APBB1IP: variants seen among roughly 807,000 people sequenced by gnomAD.
APBB1IP encodes the protein amyloid beta A4 precursor protein-binding family B member 1-interacting protein.
Under a neutral mutation model 64.9 loss-of-function variants are expected in APBB1IP, and 27 were observed. The ratio of observed to expected loss-of-function variants is 0.42; its 90% CI spans 0.31 to 0.57. The LOEUF (loss-of-function observed/expected upper bound fraction) is 0.57. Ranked by LOEUF, APBB1IP falls within the 20% of genes least tolerant of loss-of-function variation. The pLI, the probability that APBB1IP is intolerant of heterozygous loss-of-function variation, is 0.20. For missense variants in APBB1IP, 812 were observed against 845.5 expected (o/e 0.96, Z 0.49); for synonymous variants, 392 against 331.0 (o/e 1.18, Z -2.00).
intron 2 of APBB1IP, among the ~76,000 whole-genome samples, chr10:26,441,338 A>G (rs989879234): frequency 6.6e-6 from 1 of 152,198 alleles, no homozygotes; most frequent in Non-Finnish European, 1.5e-5. Flanking sequence ...AAACTGCTAG[A>G]TATCTGGAAC....
chr10:26,522,777 A>G (rs1836418822), intron 8 of APBB1IP, among the ~76,000 whole-genome samples: 1 of 151,952 alleles, frequency 6.6e-6, no homozygotes, highest in Non-Finnish European at 1.5e-5. Flanking sequence ...AGTACTTTGG[A>G]TCACCTGAGG....
At chr10:26,561,388 C>CTT (rs34667769) in intron 13 of APBB1IP, among the ~76,000 whole-genome samples, 10,336 of 122,348 alleles carry the variant, frequency 0.084, 592 homozygotes, top group East Asian at 0.3. Flanking sequence ...TTCTTCTTTG[C>CTT]TTTTTTTTTT....
At position 26,562,350 on chromosome 10, in the gene APBB1IP, C is replaced by T; in HGVS notation, c.1394C>T (p.Pro465Leu). 1 of 1,613,896 alleles carries T rather than the reference C, an allele frequency of 6.2e-7. No homozygotes were observed. Among genetic ancestry groups the T allele is most frequent in the Admixed American group, 1.7e-5 (1 of 60,014 alleles). ...STGPKTGTTQ[P>L]NGQIPQATHS... Reference sequence around the variant, plus strand: ...GGACCTAAAACAGGCACCACCCAGCCCAATGGACAGATTCCCCAGGCTACA... The same window carrying T: ...GGACCTAAAACAGGCACCACCCAGCTCAATGGACAGATTCCCCAGGCTACA... The change falls in exon 14 of 15, where the codon CCC becomes CTC. Residue 465 changes from proline (P) to leucine (L), a missense_variant. Physicochemically the swap from Pro to Leu is moderately conservative, Grantham distance 98. Around this residue, in one of 3 missense-constraint regions of APBB1IP, gnomAD observed 381 missense variants for 352.1 expected, o/e 1.08. Transcript: ENST00000376236.
intron 8 of APBB1IP, among the ~76,000 whole-genome samples, chr10:26,522,235 A>G (rs1022860659): frequency 6.6e-6 from 1 of 152,138 alleles, no homozygotes; most frequent in Non-Finnish European, 1.5e-5. Flanking sequence ...GAACAGTTAG[A>G]TTCACAGTCA....
chr10:26,560,078 C>T (rs1836947573), intron 11 of APBB1IP, 27 bp from the exon 12 acceptor site: 5 of 1,569,080 alleles, frequency 3.2e-6, no homozygotes, highest in Admixed American at 1.7e-5. Context: ...CAAGTGAATA[C>T]ATTGTCTCGA....
At position 26,560,319 on chromosome 10, in the gene APBB1IP, CATT is replaced by C. The variant is rs1036697482; in HGVS notation, c.1254+119_1254+121del. The C allele has an allele frequency of 1.4e-5, 13 of 940,256 alleles. No homozygotes were observed. The African/African-American group carries it at 1.9e-4, about 14-fold the overall frequency. 58.2% of individuals were successfully genotyped at this position (940,256 alleles called of 1,614,324 possible). ...GCCCACCCTTGGGTTCAGCCACAGA[CATT>C]ATCAGGTTTATTCGCCCAGTGGGTT... On this transcript the variant is annotated intron_variant, in intron 12 of 14. Coordinates refer to ENST00000376236, the MANE Select transcript of APBB1IP (RefSeq NM_019043.4).
At position 26,567,122 on chromosome 10, in the gene APBB1IP, C is replaced by A; in HGVS notation, c.1635C>A (p.Gly545=). The A allele has an allele frequency of 7.0e-7, 1 of 1,422,464 alleles. No individual in the cohort carries two copies. The highest frequency in any genetic ancestry group is 9.1e-7 in the Non-Finnish European group (1 of 1,100,144). 88.1% of individuals were successfully genotyped at this position (1,422,464 alleles called of 1,614,324 possible). Residue 545 remains glycine (G), a synonymous_variant, in exon 15 of 15, where the codon GGC becomes GGA. Coordinates refer to ENST00000376236, the MANE Select transcript of APBB1IP (RefSeq NM_019043.4). ...AGGCCAAGGGCACAGGCGGCGGGGG[C>A]TTGCCCGCCCCACCCGACGACTTCC... ...PLKAKGTGGG[G]LPAPPDDFLP... is the part of the protein sequence containing the mutation.
At chr10:26,488,364 T>C (rs749874943) in intron 2 of APBB1IP, among the ~76,000 whole-genome samples, 1 of 152,064 alleles carries the variant, frequency 6.6e-6, no homozygotes, top group Non-Finnish European at 1.5e-5. Flanking sequence ...GCCTCCCAAG[T>C]ATGTGGGACT....
intron 2 of APBB1IP, among the ~76,000 whole-genome samples, chr10:26,449,883 T>C (rs2132397533): frequency 6.6e-6 from 1 of 152,198 alleles, no homozygotes; most frequent in Non-Finnish European, 1.5e-5. Flanking sequence ...GGCATTCTCC[T>C]GTGGTCTCAG....
At chr10:26,446,979 G>A (rs1254239950) in intron 2 of APBB1IP, among the ~76,000 whole-genome samples, 1 of 152,260 alleles carries the variant, frequency 6.6e-6, no homozygotes, top group East Asian at 1.9e-4. Flanking sequence ...AGTGCAGAAT[G>A]TGCAATGTTT....
chr10:26,472,751 A>G (rs932420041), intron 2 of APBB1IP, among the ~76,000 whole-genome samples: 4 of 152,148 alleles, frequency 2.6e-5, no homozygotes, highest in East Asian at 1.9e-4. Flanking sequence ...AGCCTGGCCA[A>G]TATAGTGAAA....
intron 11 of APBB1IP, among the ~76,000 whole-genome samples, chr10:26,557,726 G>A (rs1393216011): frequency 1.3e-5 from 2 of 152,094 alleles, no homozygotes; most frequent in Admixed American, 6.5e-5. Context: ...AGTCTATAAA[G>A]GTCTTGTTAT....
intron 2 of APBB1IP, among the ~76,000 whole-genome samples, chr10:26,483,778 T>A (rs1457542543): frequency 6.6e-6 from 1 of 152,136 alleles, no homozygotes; most frequent in Non-Finnish European, 1.5e-5. Context: ...AATAGTGCAA[T>A]CATGAGTCAC....
At chr10:26,475,639 A>T (rs1316379877) in intron 2 of APBB1IP, among the ~76,000 whole-genome samples, 2 of 152,288 alleles carry the variant, frequency 1.3e-5, no homozygotes, top group Middle Eastern at 6.8e-3. Context: ...GATCTTGGGC[A>T]TGTCATTCGA....
At chr10:26,555,253 T>A (rs779912900) in intron 11 of APBB1IP, among the ~76,000 whole-genome samples, 1 of 152,158 alleles carries the variant, frequency 6.6e-6, no homozygotes, top group African/African-American at 2.4e-5. Flanking sequence ...TTTTAAAATG[T>A]CCAGTGCCCC....
chr10:26,481,001 G>A (rs1835828451), intron 2 of APBB1IP, among the ~76,000 whole-genome samples: 1 of 151,902 alleles, frequency 6.6e-6, no homozygotes, highest in Non-Finnish European at 1.5e-5. Flanking sequence ...TTGTCCCTCT[G>A]GTTTTAGGTC....
chr10:26,511,656 T>C (rs1564365145), intron 6 of APBB1IP, 91 bp from the exon 7 acceptor site: 2 of 1,464,782 alleles, frequency 1.4e-6, no homozygotes, highest in East Asian at 2.3e-5. Flanking sequence ...TTACAGAAAT[T>C]TGCAGAAACA....
intron 11 of APBB1IP, among the ~76,000 whole-genome samples, chr10:26,548,884 T>C (rs778829494): frequency 3.0e-4 from 46 of 152,238 alleles, no homozygotes; most frequent in Non-Finnish European, 6.3e-4. Flanking sequence ...CTATGCAGAA[T>C]AGTAGCAGTG....
chr10:26,439,558 C>T (rs991755412), intron 2 of APBB1IP, among the ~76,000 whole-genome samples: 2 of 152,164 alleles, frequency 1.3e-5, no homozygotes, highest in Non-Finnish European at 2.9e-5. Context: ...AGAACCTCTG[C>T]GCAGGTGTTC....
Sources: allele counts gnomAD v4.1 joint callset (sites outside exome capture counted in the v4.1 genomes callset), GRCh38; gene constraint gnomAD v4.1.1; regional missense constraint gnomAD v4.1.1; transcripts MANE v1.5; gene names NCBI Gene and HGNC (gene_info 2026-07-23, HGNC 2026-07-21).